Variants in DYM observed in about 807,000 individuals in gnomAD.
The protein encoded by DYM is dyggve-Melchior-Clausen syndrome protein.
DYM carries 78 observed loss-of-function variants against 93.1 expected under a neutral mutation model. The ratio of observed to expected loss-of-function variants is 0.84; its 90% CI spans 0.70 to 1.01. The LOEUF (loss-of-function observed/expected upper bound fraction) is 1.01. Ranked by LOEUF, DYM falls within the 50% of genes least tolerant of loss-of-function variation. The pLI, the probability that DYM is intolerant of heterozygous loss-of-function variation, is 0.00. For missense variants in DYM, 789 were observed against 845.0 expected (o/e 0.93, Z 0.82); for synonymous variants, 321 against 319.7 (o/e 1.00, Z -0.04).
At chr18:49,301,915 G>A (rs2060962961) in intron 8 of DYM, among the ~76,000 whole-genome samples, 1 of 152,150 alleles carries the variant, frequency 6.6e-6, no homozygotes, top group Non-Finnish European at 1.5e-5. Flanking sequence ...AGGAGTGACA[G>A]GCACCCTCTC....
chr18:49,287,966 G>C (rs1006297848), intron 8 of DYM, among the ~76,000 whole-genome samples: 1 of 151,704 alleles, frequency 6.6e-6, no homozygotes, highest in East Asian at 1.9e-4. Context: ...ATGAAAATTT[G>C]AAGACTTAAT....
chr18:49,133,343 A>G (rs1377844651), intron 15 of DYM, among the ~76,000 whole-genome samples: 3 of 152,204 alleles, frequency 2.0e-5, no homozygotes, highest in Non-Finnish European at 4.4e-5. Context: ...AATTTTCATC[A>G]TCCCTGAATT....
At chr18:49,414,870 C>A (rs973616334) in intron 2 of DYM, among the ~76,000 whole-genome samples, 3 of 152,160 alleles carry the variant, frequency 2.0e-5, no homozygotes, top group Non-Finnish European at 4.4e-5. Context: ...CCTCTAGTAA[C>A]ATATAAACTG....
intron 13 of DYM, among the ~76,000 whole-genome samples, chr18:49,241,937 C>A (rs755614744): frequency 6.6e-6 from 1 of 152,222 alleles, no homozygotes; most frequent in Non-Finnish European, 1.5e-5. Flanking sequence ...TCAGTTTCTA[C>A]GATAAGTCAC....
intron 2 of DYM, among the ~76,000 whole-genome samples, chr18:49,412,723 G>A (rs1342380380): frequency 6.6e-6 from 1 of 152,136 alleles, no homozygotes; most frequent in Non-Finnish European, 1.5e-5. Flanking sequence ...CATAAAGTGT[G>A]CCAAAGAGCC....
intron 1 of DYM, among the ~76,000 whole-genome samples, chr18:49,448,971 C>T (rs985435854): frequency 7.2e-5 from 11 of 152,188 alleles, no homozygotes; most frequent in African/African-American, 2.7e-4. Context: ...TCTGAGGCAG[C>T]TATTGGGTGT....
At chr18:49,429,163 TCTGA>T (rs1251668523) in intron 2 of DYM, among the ~76,000 whole-genome samples, 7 of 152,224 alleles carry the variant, frequency 4.6e-5, no homozygotes, top group Non-Finnish European at 1.0e-4. Context: ...TCACATCACA[TCTGA>T]CTTTCTCTTC....
At chr18:49,300,076 TATATATATAA>T (rs899338518) in intron 8 of DYM, among the ~76,000 whole-genome samples, 6 of 133,448 alleles carry the variant, frequency 4.5e-5, no homozygotes, top group South Asian at 2.6e-4. Context: ...TATAAATATA[TATATATATAA>T]ATATATATAT....
intron 6 of DYM, among the ~76,000 whole-genome samples, chr18:49,355,382 CATAG>C (rs72513727): frequency 0.13 from 20,130 of 151,690 alleles, 1,630 homozygotes; most frequent in East Asian, 0.31. Flanking sequence ...ATAGATGATA[CATAG>C]ATAGATGATA....
In DYM at chr18:49,042,096, C is replaced by G. The variant is rs2070966889; in HGVS notation, c.*1959G>C. The G allele has an allele frequency of 6.6e-6, 1 of 152,568 alleles. No individual in the cohort carries two copies. The highest frequency in any genetic ancestry group is 2.4e-5 in the African/African-American group (1 of 41,464). 9.5% of individuals were successfully genotyped at this position (152,568 alleles called of 1,614,324 possible). A position where few individuals can be genotyped will look rare whatever the true frequency, so the allele number is the denominator to read the frequency against. ...CCTTGCTACCTGAAATGATAATCAT[C>G]ACTCCCCCTGCTGGCTGAGAGCGCT... is the stretch of plus-strand genomic sequence containing the variant. On this transcript the variant is annotated 3_prime_UTR_variant, in exon 18 of 18. Transcript: ENST00000675505.
At chr18:49,377,215 CA>C (rs1394088425) in intron 5 of DYM, among the ~76,000 whole-genome samples, 1 of 152,150 alleles carries the variant, frequency 6.6e-6, no homozygotes, top group East Asian at 1.9e-4. Flanking sequence ...CTTGAATGCA[CA>C]AAAGGTTAAC....
intron 15 of DYM, among the ~76,000 whole-genome samples, chr18:49,148,733 A>C (rs28422111): frequency 2.4e-4 from 36 of 152,292 alleles, no homozygotes; most frequent in African/African-American, 8.4e-4. Flanking sequence ...GTTTAAGATG[A>C]TTATAAACAA....
intron 14 of DYM, among the ~76,000 whole-genome samples, chr18:49,189,123 G>A (rs1247766019): frequency 6.6e-6 from 1 of 152,182 alleles, no homozygotes; most frequent in African/African-American, 2.4e-5. Flanking sequence ...TGGACATAAA[G>A]ATGGGAATAA....
intron 2 of DYM, among the ~76,000 whole-genome samples, chr18:49,407,301 A>G (rs535448631): frequency 6.6e-6 from 1 of 152,364 alleles, no homozygotes; most frequent in East Asian, 1.9e-4. Flanking sequence ...AGAGCTATAC[A>G]TAAACACATA....
At chr18:49,188,073 T>G (rs2090620693) in intron 14 of DYM, among the ~76,000 whole-genome samples, 1 of 152,242 alleles carries the variant, frequency 6.6e-6, no homozygotes, top group African/African-American at 2.4e-5. Flanking sequence ...TTAAGTTGTG[T>G]GCCAACAAAC....
At chr18:49,320,709 G>A (rs2062406121) in intron 8 of DYM, among the ~76,000 whole-genome samples, 1 of 152,140 alleles carries the variant, frequency 6.6e-6, no homozygotes, top group African/African-American at 2.4e-5. Context: ...CTGACCTCAG[G>A]TGATCCGCCT....
chr18:49,441,361 T>TA (rs2081606837), intron 1 of DYM, among the ~76,000 whole-genome samples: 4 of 104,768 alleles, frequency 3.8e-5, no homozygotes, highest in Admixed American at 1.6e-4. Context: ...TATAATTATA[T>TA]TATATATATG....
chr18:49,413,821 C>T (rs573491233), intron 2 of DYM, among the ~76,000 whole-genome samples: 1 of 152,140 alleles, frequency 6.6e-6, no homozygotes, highest in South Asian at 2.1e-4. Context: ...ACTAGCCTGG[C>T]CAACATGGTG....
rs371794005 is a variant in DYM at position 49,171,227 on chromosome 18, G to A, written c.1626-7440C>T. Among the ~76,000 whole-genome samples, 25 of 152,228 alleles carry A rather than the reference G, an allele frequency of 1.6e-4. No homozygotes were observed. In the South Asian group the frequency reaches 4.6e-3, roughly 28 times the overall value. On this transcript the variant is annotated intron_variant, in intron 14 of 17. Transcript: ENST00000675505. ...GAGCAGAGTGCTAGAGTAATGCTCC[G>A]AAGGTAAAGGGAACGCATCACAGAA...
Sources: gnomAD v4.1 joint callset for allele counts (sites outside exome capture counted in the v4.1 genomes callset) on GRCh38, gnomAD v4.1.1 for gene constraint, MANE v1.5 for transcripts, NCBI Gene and HGNC (gene_info 2026-07-23, HGNC 2026-07-21) for gene names.